Variants in MTR observed in about 807,000 individuals in gnomAD.
MTR encodes methionine synthase.
MTR carries 84 observed loss-of-function variants against 154.8 expected under a neutral mutation model. The ratio of observed to expected loss-of-function variants is 0.54; its 90% CI spans 0.45 to 0.65. The LOEUF is 0.65. Ranked by LOEUF, MTR falls within the 30% of genes least tolerant of loss-of-function variation. The pLI is 0.00. For synonymous variants in MTR, 554 were observed against 553.9 expected (o/e 1.00, Z 0.00); for missense variants, 1,275 against 1,570.2 (o/e 0.81, Z 3.18).
intron 8 of MTR, chr1:236,820,195 A>G (rs1661846866): frequency 2.6e-6 from 2 of 761,012 alleles, no homozygotes; most frequent in Non-Finnish European, 4.8e-6. Context: ...CATGCGTGGC[A>G]CCATTTCCTG....
At chr1:236,857,641 C>T (rs1664281158) in intron 18 of MTR, among the ~76,000 whole-genome samples, 1 of 152,214 alleles carries the variant, frequency 6.6e-6, no homozygotes, top group Non-Finnish European at 1.5e-5. Flanking sequence ...TTTGACTGAA[C>T]TTAGAGGATC....
chr1:236,859,983 G>A (rs1018620069), intron 19 of MTR, 61 bp downstream of exon 19: 1 of 1,416,268 alleles, frequency 7.1e-7, no homozygotes, highest in African/African-American at 1.4e-5. Context: ...TGATCCTGTT[G>A]TGGGCGGTGT....
At position 236,899,452 on chromosome 1, in the gene MTR, A is replaced by G. The variant is rs1226281111; in HGVS notation, c.*1808A>G. The G allele has an allele frequency of 6.6e-6, 1 of 152,240 alleles. No individual in the cohort carries two copies. Among genetic ancestry groups the G allele is most frequent in the Non-Finnish European group, 1.5e-5 (1 of 68,032 alleles). The allele number at this position is 152,240 out of a possible 1,614,324, so 9.4% of individuals were successfully genotyped here. On this transcript the variant is annotated 3_prime_UTR_variant, in exon 33 of 33. Coordinates refer to ENST00000366577, the MANE Select transcript of MTR (RefSeq NM_000254.3). ...GGACCACTCCCTAAGTAATCCCAGAACAATGGCTATTCATGTGGGAAAAAA... is the reference window on the plus strand; with the variant it reads ...GGACCACTCCCTAAGTAATCCCAGAGCAATGGCTATTCATGTGGGAAAAAA...
intron 6 of MTR, 137 bp from the exon 7 acceptor site, chr1:236,815,467 A>C (rs1322235535): frequency 1.2e-6 from 1 of 838,144 alleles, no homozygotes; most frequent in South Asian, 1.4e-5. Context: ...CTTATAAGGA[A>C]GACACTTCTT....
At chr1:236,853,258 G>A (rs1235863375) in intron 18 of MTR, among the ~76,000 whole-genome samples, 170 bp downstream of exon 18, 1 of 152,204 alleles carries the variant, frequency 6.6e-6, no homozygotes, top group Non-Finnish European at 1.5e-5. Context: ...CTAGGGCAAG[G>A]AAGGGTAAAC....
intron 14 of MTR, among the ~76,000 whole-genome samples, chr1:236,837,488 G>A (rs532708326): frequency 2.6e-5 from 4 of 152,240 alleles, no homozygotes; most frequent in Non-Finnish European, 5.9e-5. Context: ...GTCATTACTT[G>A]TTTAATTATT....
intron 14 of MTR, 92 bp from the exon 15 acceptor site, chr1:236,838,322 A>G: frequency 7.6e-7 from 1 of 1,315,146 alleles, no homozygotes. Context: ...TTGTTTTGCT[A>G]AAGAAGAAAT....
chr1:236,814,203 TTA>T lies in MTR; in HGVS notation c.609+1363_609+1364del, dbSNP rs1388047216. Reference sequence around the variant, plus strand: ...CACATCACTTTCACTGGGTTCTTTTTTATATGTCTTTTTAGAAATTGTTTTGT... The same window carrying T: ...CACATCACTTTCACTGGGTTCTTTTTTATGTCTTTTTAGAAATTGTTTTGT... On this transcript the variant is annotated intron_variant, in intron 6 of 32. Transcript: ENST00000366577. Among the ~76,000 whole-genome samples the T allele has an allele frequency of 5.9e-5, 9 of 152,292 alleles. No homozygotes were observed. In the East Asian group the frequency reaches 1.4e-3, roughly 23 times the overall value.
At chr1:236,863,618 A>G in intron 22 of MTR, 64 bp downstream of exon 22, 1 of 1,384,698 alleles carries the variant, frequency 7.2e-7, no homozygotes, top group Non-Finnish European at 1.0e-6. Context: ...TTTTAACAGA[A>G]TAATTCTTCA....
rs767324169 is a variant in MTR, at chr1:236,880,811, T to C, written c.2651T>C (p.Leu884Pro). ...PRYSAPVIHV[L>P]DASKSVVVCS... ...TACAGTGCACCTGTAATCCATGTCC[T>C]GGACGCGTCCAAGAGTGTGGTGGTG... is the stretch of plus-strand genomic sequence containing the variant. Residue 884 changes from leucine to proline, a missense_variant, in exon 25 of 33, where the codon CTG becomes CCG. Transcript: ENST00000366577. The C allele has an allele frequency of 9.3e-6, 15 of 1,614,130 alleles. No individual in the cohort carries two copies. Among genetic ancestry groups the C allele is most frequent in the East Asian group, 2.2e-5 (1 of 44,896 alleles).
At chr1:236,804,625 A>G (rs1298725291) in intron 2 of MTR, among the ~76,000 whole-genome samples, 2 of 152,164 alleles carry the variant, frequency 1.3e-5, no homozygotes, top group African/African-American at 4.8e-5. Context: ...CCTAGGCATT[A>G]AGTTTATTTT....
At chr1:236,829,316 A>C in intron 12 of MTR, 48 bp downstream of exon 12, 4 of 1,461,358 alleles carry the variant, frequency 2.7e-6, no homozygotes, top group Non-Finnish European at 3.8e-6. Context: ...CCATTTGTGG[A>C]GTGTGAGTAT....
intron 32 of MTR, among the ~76,000 whole-genome samples, 192 bp downstream of exon 32, chr1:236,897,310 GCACACACACACA>G (rs57786802): frequency 2.3e-5 from 3 of 128,614 alleles, no homozygotes; most frequent in Non-Finnish European, 3.4e-5. Context: ...CCACACACAC[GCACACACACACA>G]CACACACACA....
At chr1:236,884,309 G>A (rs1035164498) in intron 25 of MTR, among the ~76,000 whole-genome samples, 2 of 152,118 alleles carry the variant, frequency 1.3e-5, no homozygotes, top group African/African-American at 4.8e-5. Flanking sequence ...TATATAAATT[G>A]GAACTAAAAG....
In MTR at chr1:236,844,944, T is replaced by C. The variant is rs77389944; in HGVS notation, c.1516-5400T>C. Among the ~76,000 whole-genome samples, 63 of 152,314 alleles carry C rather than the reference T, an allele frequency of 4.1e-4. No individual in the cohort carries two copies. In the East Asian group the frequency reaches 0.011, roughly 28 times the overall value. On this transcript the variant is annotated intron_variant, in intron 15 of 32. Coordinates refer to ENST00000366577, the MANE Select transcript of MTR (RefSeq NM_000254.3). ...CTCCTGGACTTCAGCCCTTGAGTTT[T>C]GACTCATTTGGTCTGGGATGAGGCC...
In MTR at chr1:236,897,967, T is replaced by C. The variant is rs1446678208; in HGVS notation, c.*323T>C. 9.7e-6 allele frequency: 3 copies of C among 309,650 alleles called. No individual in the cohort carries two copies. Among genetic ancestry groups the C allele is most frequent in the Non-Finnish European group, 1.8e-5 (3 of 166,838 alleles). 19.2% of individuals were successfully genotyped at this position (309,650 alleles called of 1,614,324 possible). A position where few individuals can be genotyped will look rare whatever the true frequency, so the allele number is the denominator to read the frequency against. On this transcript the variant is annotated 3_prime_UTR_variant, in exon 33 of 33. Coordinates refer to ENST00000366577, the MANE Select transcript of MTR (RefSeq NM_000254.3). The stretch of plus-strand genomic sequence containing the variant: ...AAGCAAGTCAACCTGCTTTTTTCTG[T>C]TTTTACAGTGGAATCTAGGAGGCCA...
chr1:236,852,552 G>T lies in MTR; in HGVS notation c.1727G>T (p.Gly576Val). 6.2e-7 allele frequency: 1 copy of T among 1,614,034 alleles called. No homozygotes were observed. Among genetic ancestry groups the T allele is most frequent in the Non-Finnish European group, 8.5e-7 (1 of 1,179,970 alleles). Reference protein sequence around the residue: ...ETLPGARISGGLSNLSFSFRG... With the variant: ...ETLPGARISGVLSNLSFSFRG... The stretch of plus-strand genomic sequence containing the variant: ...TTACCTGGAGCCAGAATAAGTGGAG[G>T]TCTTTCCAACTTGTCCTTCTCCTTC... Residue 576 changes from glycine (G) to valine (V), a missense_variant, in exon 17 of 33, where the codon GGT becomes GTT. By Grantham distance (109) the Gly-to-Val change is moderately radical (BLOSUM62 -3). Transcript: ENST00000366577.
At chr1:236,835,421 CAG>C (rs1190926258) in intron 13 of MTR, 124 bp from the exon 14 acceptor site, 9 of 1,166,680 alleles carry the variant, frequency 7.7e-6, no homozygotes, top group Admixed American at 3.5e-5. Flanking sequence ...GGCCCGGAGT[CAG>C]GGAGTCTGGC....
intron 11 of MTR, among the ~76,000 whole-genome samples, chr1:236,827,690 A>G (rs112097338): frequency 2.0e-4 from 30 of 152,320 alleles, no homozygotes; most frequent in African/African-American, 3.6e-4. Flanking sequence ...TGGTTGCTTA[A>G]TTCATGTTTT....
Sources: gnomAD v4.1 joint callset for allele counts (sites outside exome capture counted in the v4.1 genomes callset) on GRCh38, gnomAD v4.1.1 for gene constraint, MANE v1.5 for transcripts, NCBI Gene and HGNC (gene_info 2026-07-23, HGNC 2026-07-21) for gene names.